CRYBG3: variants seen among roughly 807,000 people sequenced by gnomAD.
CRYBG3 encodes crystallin beta-gamma domain containing 3.
A neutral mutation model predicts 244.2 loss-of-function variants in CRYBG3; 127 were observed. That is an observed-to-expected ratio of 0.52 (90% confidence interval 0.45 to 0.60). The LOEUF is 0.60. Among genes scored for constraint, CRYBG3 ranks in the 20% least tolerant of loss-of-function variants. The pLI is 0.00. For missense variants in CRYBG3, 3,325 were observed against 3,442.5 expected (o/e 0.97, Z 0.85); for synonymous variants, 1,132 against 1,195.8 (o/e 0.95, Z 1.10).
At chr3:97,835,779 C>T (rs1290903837) in intron 1 of CRYBG3, among the ~76,000 whole-genome samples, 1 of 152,030 alleles carries the variant, frequency 6.6e-6, no homozygotes, top group East Asian at 1.9e-4. Context: ...TCTTGGGTCT[C>T]CAGTGCGCTG....
intron 17 of CRYBG3, among the ~76,000 whole-genome samples, chr3:97,918,212 A>G (rs1057064192): frequency 6.6e-6 from 1 of 152,218 alleles, no homozygotes. Flanking sequence ...AAGTGTCACA[A>G]TGGTATAATA....
rs763703119 is a variant in CRYBG3 at position 97,892,918 on chromosome 3, T to C, written c.7499T>C (p.Ile2500Thr). The change falls in exon 11 of 22, where the codon ATA becomes ACA. Residue 2500 changes from isoleucine (I) to threonine (T), a missense_variant. By Grantham distance (89) the Ile-to-Thr change is moderately conservative (BLOSUM62 -1). Around this residue, in one of 4 missense-constraint regions of CRYBG3, gnomAD observed 714 missense variants for 803.6 expected, o/e 0.89. Transcript: ENST00000389622. Reference protein sequence around the residue: ...HGQAKEFSEHIDSVPNFLKNN... With the variant: ...HGQAKEFSEHTDSVPNFLKNN... ...CAGGCTAAAGAGTTTAGTGAACATA[T>C]AGATTCTGTTCCTAATTTTTTGAAA... 9 of 1,581,066 alleles carry C rather than the reference T, an allele frequency of 5.7e-6. No homozygotes were observed. Among genetic ancestry groups the C allele is most frequent in the Non-Finnish European group, 7.8e-6 (9 of 1,155,394 alleles).
At chr3:97,930,009 A>G (rs2040080912) in intron 17 of CRYBG3, among the ~76,000 whole-genome samples, 1 of 152,092 alleles carries the variant, frequency 6.6e-6, no homozygotes, top group Non-Finnish European at 1.5e-5. Context: ...CTTTGTAGGC[A>G]TTCTGCAAAA....
rs778808712 is a variant in CRYBG3, at chr3:97,943,245, G to A, written c.8844G>A (p.Lys2948=). 45 of 1,581,268 alleles carry A rather than the reference G, an allele frequency of 2.8e-5. 1 individual carries two copies. The South Asian group carries it at 4.3e-4, about 15-fold the overall frequency. Reference sequence around the variant, plus strand: ...TTTTAGGAGGAAATTATTGTGACAAGACTCATGTAATTGTAAATCAGCCCC... The same window carrying A: ...TTTTAGGAGGAAATTATTGTGACAAAACTCATGTAATTGTAAATCAGCCCC... ...LDVKGGNYCD[K]THVIVNQPLE... is the part of the protein sequence containing the mutation. Residue 2948 remains lysine (K), a synonymous_variant, in exon 22 of 22, where the codon AAG becomes AAA. Transcript: ENST00000389622.
Position 97,875,581 on chromosome 3 carries a change from A to G in CRYBG3, c.4387A>G (p.Lys1463Glu), listed in dbSNP as rs2039361503. The change falls in exon 4 of 22, where the codon AAA becomes GAA. Residue 1463 changes from lysine (K) to glutamate (E), a missense_variant. Physicochemically the swap from Lys to Glu is moderately conservative, Grantham distance 56. Transcript: ENST00000389622. ...GGAAATAGAGAATGTGGATAATAAC[A>G]AAACTGAGACAGAGGACAGAAGAAC... is the stretch of plus-strand genomic sequence containing the variant. ...TMEIENVDNNKTETEDRRTLV... is the reference protein window; with the variant it reads ...TMEIENVDNNETETEDRRTLV... 2 of 1,239,784 alleles carry G rather than the reference A, an allele frequency of 1.6e-6. No individual in the cohort carries two copies. The highest frequency in any genetic ancestry group is 6.3e-5 in the East Asian group (2 of 31,852). 76.8% of individuals were successfully genotyped at this position (1,239,784 alleles called of 1,614,324 possible). A position where few individuals can be genotyped will look rare whatever the true frequency, so the allele number is the denominator to read the frequency against.
intron 1 of CRYBG3, 149 bp downstream of exon 1, chr3:97,822,504 C>T (rs1384951225): frequency 4.0e-6 from 3 of 741,986 alleles, no homozygotes; most frequent in Non-Finnish European, 6.1e-6. Context: ...GCTAAAGTTT[C>T]CTCCTCCTTG....
At position 97,873,974 on chromosome 3, in the gene CRYBG3, A is replaced by G. The variant is rs1274880371; in HGVS notation, c.2780A>G (p.Asp927Gly). 7 of 1,534,654 alleles carry G rather than the reference A, an allele frequency of 4.6e-6. No homozygotes were observed. The highest frequency in any genetic ancestry group is 3.3e-4 in the Middle Eastern group (2 of 5,992). ...GAAGATAAGCCAGAACCAGAGGTAG[A>G]TGCCTTAGGCTCTCCTCCTGCTCTT... ...KYEDKPEPEV[D>G]ALGSPPALLK... Residue 927 changes from aspartate (D) to glycine (G), a missense_variant, in exon 4 of 22, where the codon GAT becomes GGT. Physicochemically the swap from Asp to Gly is moderately conservative, Grantham distance 94 (BLOSUM62 -1). Transcript: ENST00000389622.
At chr3:97,931,150 A>G (rs1381298400) in intron 17 of CRYBG3, among the ~76,000 whole-genome samples, 2 of 152,084 alleles carry the variant, frequency 1.3e-5, no homozygotes, top group African/African-American at 4.8e-5. Context: ...TAGCCTGTAC[A>G]GTTTCTCACC....
chr3:97,906,777 A>G (rs1049636520), intron 15 of CRYBG3, among the ~76,000 whole-genome samples: 5 of 152,040 alleles, frequency 3.3e-5, no homozygotes, highest in Non-Finnish European at 5.9e-5. Context: ...AACTTCCAAC[A>G]CTGTGTTGAA....
At chr3:97,893,075 G>T in intron 11 of CRYBG3, 82 bp downstream of exon 11, 1 of 1,183,892 alleles carries the variant, frequency 8.4e-7, no homozygotes, top group Non-Finnish European at 1.2e-6. Flanking sequence ...AAGCAAAAAT[G>T]ATTTGTTTTT....
chr3:97,895,099 T>G (rs1293954750), intron 11 of CRYBG3, among the ~76,000 whole-genome samples: 2 of 152,168 alleles, frequency 1.3e-5, no homozygotes, highest in Admixed American at 1.3e-4. Flanking sequence ...AATTTCAAAT[T>G]TCCCAACCCT....
At chr3:97,849,934 C>T (rs2038959781) in intron 2 of CRYBG3, among the ~76,000 whole-genome samples, 1 of 151,980 alleles carries the variant, frequency 6.6e-6, no homozygotes, top group South Asian at 2.1e-4. Context: ...TATACCTGCC[C>T]TGGTTGATTT....
At chr3:97,936,408 T>C (rs111893917) in intron 18 of CRYBG3, among the ~76,000 whole-genome samples, 221 of 152,138 alleles carry the variant, frequency 1.5e-3, no homozygotes, top group Admixed American at 5.4e-3. Context: ...TTAGAGGCCC[T>C]GAAGGACATG....
intron 17 of CRYBG3, among the ~76,000 whole-genome samples, chr3:97,931,930 C>CA (rs2040102130): frequency 6.6e-6 from 1 of 151,984 alleles, no homozygotes; most frequent in South Asian, 2.1e-4. Context: ...ATACTGTTGT[C>CA]AGACAGATTG....
intron 7 of CRYBG3, among the ~76,000 whole-genome samples, chr3:97,882,845 A>G (rs961455128): frequency 3.3e-5 from 5 of 152,368 alleles, no homozygotes; most frequent in South Asian, 2.1e-4. Flanking sequence ...ATGTGAATCA[A>G]TACTGTCTGC....
chr3:97,933,386 T>TCCTG (rs1196740334), intron 17 of CRYBG3: 25 of 394,666 alleles, frequency 6.3e-5, no homozygotes, highest in Middle Eastern at 7.4e-4. Context: ...CTAATTATGG[T>TCCTG]CCATATTACA....
At chr3:97,907,044 A>G (rs1439593314) in intron 15 of CRYBG3, among the ~76,000 whole-genome samples, 3 of 152,062 alleles carry the variant, frequency 2.0e-5, no homozygotes, top group Admixed American at 2.0e-4. Flanking sequence ...ATGCTGGATT[A>G]CATTTATTGA....
intron 11 of CRYBG3, 85 bp from the exon 12 acceptor site, chr3:97,895,874 A>G (rs2039634056): frequency 5.5e-6 from 7 of 1,266,614 alleles, no homozygotes; most frequent in Middle Eastern, 2.0e-4. Context: ...ATGAACCACT[A>G]TGAGCTTTAT....
rs1277821323 is a variant in CRYBG3, at chr3:97,822,311, G to A, written c.105G>A (p.Arg35=). ...ACAAGGAAGAGGAAGAGGAGGAGAG[G>A]CCGGGGACGAGCCCGCCTCCAGCTC... is the stretch of plus-strand genomic sequence containing the variant. ...SRDKEEEEEE[R]PGTSPPPAPG... is the part of the protein sequence containing the mutation. The change falls in exon 1 of 22, where the codon AGG becomes AGA. Residue 35 remains arginine (R), a synonymous_variant. Coordinates refer to ENST00000389622, the MANE Select transcript of CRYBG3 (RefSeq NM_153605.4). 1.3e-6 allele frequency: 2 copies of A among 1,519,776 alleles called. No individual in the cohort carries two copies. Among genetic ancestry groups the A allele is most frequent in the Admixed American group, 4.1e-5 (2 of 49,342 alleles). The allele number at this position is 1,519,776 out of a possible 1,614,324, so 94.1% of individuals were successfully genotyped here.
Sources: allele counts gnomAD v4.1 joint callset (sites outside exome capture counted in the v4.1 genomes callset), GRCh38; gene constraint gnomAD v4.1.1; regional missense constraint gnomAD v4.1.1; transcripts MANE v1.5; gene names NCBI Gene and HGNC (gene_info 2026-07-23, HGNC 2026-07-21).